NTNG2: variants seen among roughly 807,000 people sequenced by gnomAD.
NTNG2 encodes the protein netrin G2.
NTNG2 carries 15 observed loss-of-function variants against 47.6 expected under a neutral mutation model. The observed-to-expected ratio is 0.32, with a 90% confidence interval of 0.21 to 0.49. The LOEUF (loss-of-function observed/expected upper bound fraction) is 0.49, where lower values mean the gene tolerates loss of function less well. Ranked by LOEUF, NTNG2 falls within the 20% of genes least tolerant of loss-of-function variation. The pLI, the probability that NTNG2 is intolerant of heterozygous loss-of-function variation, is 0.99. For synonymous variants in NTNG2, 307 were observed against 324.6 expected (o/e 0.95, Z 0.58); for missense variants, 578 against 764.6 (o/e 0.76, Z 2.88).
Position 132,236,558 on chromosome 9 carries a change from G to T in NTNG2, c.1055-2546G>T, listed in dbSNP as rs765246278. 3.3e-5 allele frequency among the ~76,000 whole-genome samples: 5 copies of T among 152,212 alleles called. No homozygotes were observed. The highest frequency in any genetic ancestry group is 1.3e-4 in the Admixed American group (2 of 15,288). ...CTCTGAGCAGCGAGCAGGGCTTTGA[G>T]CGCCCTCTACTGGCAGGAAGCTCTG... On this transcript the variant is annotated intron_variant, in intron 5 of 7. Coordinates refer to ENST00000393229, the MANE Select transcript of NTNG2 (RefSeq NM_032536.4). This position sits in a 1 kb window ranked among gnomAD's most constrained non-coding sequence, Gnocchi z 4.3.
rs372753777 is a variant in NTNG2, at chr9:132,163,544, C to T, written c.-484+1305C>T. On this transcript the variant is annotated intron_variant, in intron 1 of 7. Transcript: ENST00000393229. The surrounding 1 kb of genome is among the most constrained non-coding windows in gnomAD (Gnocchi z 7.2). Reference sequence around the variant, plus strand: ...CCAAGCTCCCTTTCCCTCCCGGCAACCGCCACTCTCCCCTGAAAGCAGATT... The same window carrying T: ...CCAAGCTCCCTTTCCCTCCCGGCAATCGCCACTCTCCCCTGAAAGCAGATT... Among the ~76,000 whole-genome samples the T allele has an allele frequency of 3.3e-5, 5 of 152,198 alleles. No individual in the cohort carries two copies. The East Asian group carries it at 7.7e-4, about 24-fold the overall frequency.
chr9:132,165,537 T>C (rs1459686751), intron 1 of NTNG2, among the ~76,000 whole-genome samples: 1 of 152,208 alleles, frequency 6.6e-6, no homozygotes, highest in Non-Finnish European at 1.5e-5. Flanking sequence ...ATTGTGCCTA[T>C]GATTGGGGGG....
intron 3 of NTNG2, among the ~76,000 whole-genome samples, chr9:132,211,059 C>T (rs562048042): frequency 3.3e-5 from 5 of 152,322 alleles, no homozygotes; most frequent in South Asian, 4.1e-4. Flanking sequence ...CTCACAGACG[C>T]GGACCCACAG....
chr9:132,226,558 C>T lies in NTNG2; in HGVS notation c.858-291C>T, dbSNP rs1202011352. ...TCTAGCATCTGGGACAAGGCAGTAT[C>T]ATCACTCTCCCCAACTGAGATGTGA... is the stretch of plus-strand genomic sequence containing the variant. On this transcript the variant is annotated intron_variant, in intron 3 of 7. Coordinates refer to ENST00000393229, the MANE Select transcript of NTNG2 (RefSeq NM_032536.4). This position sits in a 1 kb window ranked among gnomAD's most constrained non-coding sequence, Gnocchi z 4.8. Among the ~76,000 whole-genome samples the T allele has an allele frequency of 2.6e-5, 4 of 152,250 alleles. No individual in the cohort carries two copies.
chr9:132,175,935 T>C (rs1188634027), intron 2 of NTNG2, among the ~76,000 whole-genome samples: 1 of 152,176 alleles, frequency 6.6e-6, no homozygotes, highest in Non-Finnish European at 1.5e-5. Context: ...TGGACTCCAG[T>C]GCAGACAGAG....
rs1238380613 is a variant in NTNG2 at position 132,226,157 on chromosome 9, C to A, written c.858-692C>A. Among the ~76,000 whole-genome samples, 2 of 152,192 alleles carry A rather than the reference C, an allele frequency of 1.3e-5. No homozygotes were observed. Among genetic ancestry groups the A allele is most frequent in the African/African-American group, 4.8e-5 (2 of 41,430 alleles). On this transcript the variant is annotated intron_variant, in intron 3 of 7. Coordinates refer to ENST00000393229, the MANE Select transcript of NTNG2 (RefSeq NM_032536.4). This position sits in a 1 kb window ranked among gnomAD's most constrained non-coding sequence, Gnocchi z 4.8. ...ATGCTTCTATAAAAAGAAGCTTCCC[C>A]TCATCAACTTTCGGTTACCCCGAGG...
chr9:132,190,470 G>A (rs1462300254), intron 2 of NTNG2, among the ~76,000 whole-genome samples: 2 of 152,084 alleles, frequency 1.3e-5, no homozygotes, highest in Non-Finnish European at 2.9e-5. Flanking sequence ...CCAGCTGCAT[G>A]ACGTTGTCTG....
rs138637816 is a variant in NTNG2, at chr9:132,238,569, C to T, written c.1055-535C>T. On this transcript the variant is annotated intron_variant, in intron 5 of 7. Transcript: ENST00000393229. ...AATAAGAAAGGGTCTGGCAGGTGGG[C>T]GTTTTCCTCCCAGCCATCTTCCAAA... is the stretch of plus-strand genomic sequence containing the variant. 7.7e-4 allele frequency among the ~76,000 whole-genome samples: 118 copies of T among 152,276 alleles called. 2 individuals carry two copies. The highest frequency in any genetic ancestry group is 2.6e-3 in the African/African-American group (108 of 41,546).
intron 3 of NTNG2, among the ~76,000 whole-genome samples, chr9:132,204,069 C>T (rs1838983647): frequency 6.6e-6 from 1 of 152,164 alleles, no homozygotes; most frequent in Non-Finnish European, 1.5e-5. Context: ...AAGGCAGGTA[C>T]CATTTATTGG....
At position 132,182,877 on chromosome 9, in the gene NTNG2, A is replaced by C. The variant is rs936478092; in HGVS notation, c.214-15089A>C. ...CACTGGACTTGCCTGGGAGCTTTTC[A>C]TTCCCCCCCTGCCGCAGCTGCCCCC... On this transcript the variant is annotated intron_variant, in intron 2 of 7. Transcript: ENST00000393229. The surrounding 1 kb of genome is among the most constrained non-coding windows in gnomAD (Gnocchi z 4.2). Among the ~76,000 whole-genome samples, 2 of 151,908 alleles carry C rather than the reference A, an allele frequency of 1.3e-5. No homozygotes were observed. Among genetic ancestry groups the C allele is most frequent in the East Asian group, 3.9e-4 (2 of 5,146 alleles).
intron 2 of NTNG2, among the ~76,000 whole-genome samples, chr9:132,196,838 T>A (rs761272918): frequency 6.6e-6 from 1 of 152,212 alleles, no homozygotes; most frequent in Non-Finnish European, 1.5e-5. Flanking sequence ...TCTGACGCAA[T>A]TGCAAGTTCC....
rs1294522521 is a variant in NTNG2, at chr9:132,182,891, G to A, written c.214-15075G>A. 2.6e-5 allele frequency among the ~76,000 whole-genome samples: 4 copies of A among 152,022 alleles called. No homozygotes were observed. Among genetic ancestry groups the A allele is most frequent in the African/African-American group, 7.3e-5 (3 of 41,378 alleles). On this transcript the variant is annotated intron_variant, in intron 2 of 7. Transcript: ENST00000393229. The surrounding 1 kb of genome is among the most constrained non-coding windows in gnomAD (Gnocchi z 4.2). ...GGGAGCTTTTCATTCCCCCCCTGCC[G>A]CAGCTGCCCCCCAGACCAGCTTCAG... is the stretch of plus-strand genomic sequence containing the variant.
At chr9:132,229,377 G>A (rs532088568) in intron 4 of NTNG2, among the ~76,000 whole-genome samples, 7 of 152,006 alleles carry the variant, frequency 4.6e-5, no homozygotes, top group African/African-American at 9.7e-5. Flanking sequence ...CTCCCGCCAC[G>A]TTCTTTGAAC....
At position 132,241,128 on chromosome 9, in the gene NTNG2, C is replaced by T; in HGVS notation, c.1357+84C>T. The T allele has an allele frequency of 4.2e-6, 5 of 1,191,472 alleles. No individual in the cohort carries two copies. In the South Asian group the frequency reaches 4.6e-5, roughly 11 times the overall value. 73.8% of individuals were successfully genotyped at this position (1,191,472 alleles called of 1,614,324 possible). ...AGGCAGTGGGCGGGGCCTAGTGGGA[C>T]GGGGCAGGGGCGGTGGACTGGGCCT... On this transcript the variant is annotated intron_variant, in intron 7 of 7. Coordinates refer to ENST00000393229, the MANE Select transcript of NTNG2 (RefSeq NM_032536.4).
intron 2 of NTNG2, among the ~76,000 whole-genome samples, chr9:132,194,799 G>A (rs114219553): frequency 0.017 from 2,514 of 152,334 alleles, 70 homozygotes; most frequent in African/African-American, 0.057. Flanking sequence ...CCCTGCCACC[G>A]AGGAGCCCCA....
chr9:132,189,843 T>G, intron 2 of NTNG2, among the ~76,000 whole-genome samples: 1 of 149,434 alleles, frequency 6.7e-6, no homozygotes, highest in African/African-American at 2.5e-5. Context: ...GAGACAGGGT[T>G]TCACCATGTT....
intron 2 of NTNG2, among the ~76,000 whole-genome samples, chr9:132,170,292 T>G (rs1302355499): frequency 6.6e-6 from 1 of 152,154 alleles, no homozygotes; most frequent in Non-Finnish European, 1.5e-5. Flanking sequence ...GATAAATGAA[T>G]AAATAAAAAC....
At chr9:132,169,952 C>A (rs1209556052) in intron 2 of NTNG2, among the ~76,000 whole-genome samples, 1 of 152,212 alleles carries the variant, frequency 6.6e-6, no homozygotes. Context: ...TCGCCTGCAG[C>A]CCCAGCAGCT....
In NTNG2 at chr9:132,208,564, T is replaced by G. The variant is rs1839347146; in HGVS notation, c.857+9955T>G. 6.6e-6 allele frequency among the ~76,000 whole-genome samples: 1 copy of G among 150,694 alleles called. No homozygotes were observed. ...GGCTGTGATGTGGGCCGCCTGGAGG[T>G]GGTCTTTGGTGGCAGTGTTGCTGAG... On this transcript the variant is annotated intron_variant, in intron 3 of 7. Transcript: ENST00000393229. This position sits in a 1 kb window ranked among gnomAD's most constrained non-coding sequence, Gnocchi z 4.0.
Sources: allele counts gnomAD v4.1 joint callset (sites outside exome capture counted in the v4.1 genomes callset), GRCh38; gene constraint gnomAD v4.1.1; non-coding constraint Gnocchi (gnomAD v3.1); transcripts MANE v1.5; gene names NCBI Gene and HGNC (gene_info 2026-07-23, HGNC 2026-07-21).